The following ZNF746 variants were observed in gnomAD, a reference collection of about 807,000 sequenced individuals.
The protein encoded by ZNF746 is parkin-interacting substrate.
A neutral mutation model predicts 41.0 loss-of-function variants in ZNF746; 13 were observed. The ratio of observed to expected loss-of-function variants is 0.32; its 90% CI spans 0.21 to 0.50. The LOEUF (loss-of-function observed/expected upper bound fraction) is 0.50. Ranked by LOEUF, ZNF746 falls within the 20% of genes least tolerant of loss-of-function variation. ZNF746 has a pLI of 0.98. For synonymous variants in ZNF746, 424 were observed against 396.2 expected (o/e 1.07, Z -0.83); for missense variants, 811 against 922.9 (o/e 0.88, Z 1.57).
intron 4 of ZNF746, among the ~76,000 whole-genome samples, chr7:149,478,302 G>A (rs756344506): frequency 2.6e-5 from 4 of 152,146 alleles, no homozygotes; most frequent in Non-Finnish European, 4.4e-5. Flanking sequence ...TGGCCGAGCC[G>A]CCTGCCTGAA....
rs377334072 is a variant in ZNF746 at position 149,477,834 on chromosome 7, T to G, written c.566-79A>C. 82 of 1,256,922 alleles carry G rather than the reference T, an allele frequency of 6.5e-5. No homozygotes were observed. The East Asian group carries it at 1.7e-3, about 25-fold the overall frequency. The allele number at this position is 1,256,922 out of a possible 1,614,324, so 77.9% of individuals were successfully genotyped here. The stretch of plus-strand genomic sequence containing the variant: ...GCATACACGCATCCAGCCGGAGAGA[T>G]AGACACAGGGGCCTTACAAGGGTCC... On this transcript the variant is annotated intron_variant, in intron 4 of 6. Transcript: ENST00000458143.
chr7:149,485,109 G>C (rs1432867062), intron 4 of ZNF746, among the ~76,000 whole-genome samples: 2 of 111,646 alleles, frequency 1.8e-5, no homozygotes, highest in African/African-American at 6.7e-5. Flanking sequence ...GCAACAAACA[G>C]AAAATGCAAG....
intron 4 of ZNF746, among the ~76,000 whole-genome samples, chr7:149,478,255 G>A (rs1800378930): frequency 6.6e-6 from 1 of 152,198 alleles, no homozygotes; most frequent in South Asian, 2.1e-4. Context: ...ACAGGCCTTA[G>A]GGGCTGGGCT....
intron 6 of ZNF746, 85 bp from the exon 7 acceptor site, chr7:149,475,568 T>G (rs1192309329): frequency 1.0e-5 from 16 of 1,524,060 alleles, no homozygotes; most frequent in Non-Finnish European, 1.4e-5. Context: ...GCTCAGCAGC[T>G]GCCTGGCCAG....
Position 149,477,326 on chromosome 7 carries a change from G to C in ZNF746, c.757+238C>G, listed in dbSNP as rs1012033080. Among the ~76,000 whole-genome samples the C allele has an allele frequency of 2.0e-3, 298 of 152,300 alleles. 1 individual carries two copies. Among genetic ancestry groups the C allele is most frequent in the African/African-American group, 7.0e-3 (289 of 41,566 alleles). ...GCTGGGGCAAGAGAAGCGGCCTCAC[G>C]GTGATATAGGGGCCACTGGAACAGG... On this transcript the variant is annotated intron_variant, in intron 5 of 6. Coordinates refer to ENST00000458143, the MANE Select transcript of ZNF746 (RefSeq NM_001394198.1).
chr7:149,476,197 C>G (rs866419669), intron 6 of ZNF746, among the ~76,000 whole-genome samples: 6 of 151,640 alleles, frequency 4.0e-5, no homozygotes, highest in Middle Eastern at 3.4e-3. Context: ...ACCTGTAGTC[C>G]CAGCTACTTG....
Position 149,477,104 on chromosome 7 carries a change from G to T in ZNF746, c.758-57C>A, listed in dbSNP as rs571678542. The T allele has an allele frequency of 1.1e-4, 177 of 1,547,108 alleles. 2 individuals are homozygous for T. In the East Asian group the frequency reaches 4.0e-3, roughly 35 times the overall value. ...TAGGGGACGGACGGGGAGGACAGAA[G>T]ACTGTTGGGGAGGAGAGCAGGCTAA... On this transcript the variant is annotated intron_variant, in intron 5 of 6. Coordinates refer to ENST00000458143, the MANE Select transcript of ZNF746 (RefSeq NM_001394198.1).
At position 149,497,014 on chromosome 7, in the gene ZNF746, G is replaced by A. The variant is rs76822951; in HGVS notation, c.24+499C>T. The stretch of plus-strand genomic sequence containing the variant: ...GTGAGGACAGACTAACGCCTCAACA[G>A]GGCTTGTGGAAGTGCGTGGCTCTAT... On this transcript the variant is annotated intron_variant, in intron 1 of 6. Transcript: ENST00000458143. The surrounding 1 kb of genome is among the most constrained non-coding windows in gnomAD (Gnocchi z 4.2). 153 of 985,450 alleles carry A rather than the reference G, an allele frequency of 1.6e-4. 2 individuals carry two copies. The South Asian group carries it at 6.0e-3, about 39-fold the overall frequency. The allele number at this position is 985,450 out of a possible 1,614,324, so 61.0% of individuals were successfully genotyped here. A position where few individuals can be genotyped will look rare whatever the true frequency, so the allele number is the denominator to read the frequency against.
In ZNF746 at chr7:149,476,267, C is replaced by T. The variant is rs1037685991; in HGVS notation, c.883+655G>A. Among the ~76,000 whole-genome samples, 6 of 137,204 alleles carry T rather than the reference C, an allele frequency of 4.4e-5. No homozygotes were observed. The East Asian group carries it at 8.4e-4, about 19-fold the overall frequency. The allele number at this position is 137,204 out of a possible 152,430, so 90.0% of individuals were successfully genotyped here. A position where few individuals can be genotyped will look rare whatever the true frequency, so the allele number is the denominator to read the frequency against. On this transcript the variant is annotated intron_variant, in intron 6 of 6. Transcript: ENST00000458143. ...GGCGGAGCGTGCAGTGAGCAGAGAT[C>T]GCCCCACTGCACTCCAAGCCTGGGG...
At position 149,476,945 on chromosome 7, in the gene ZNF746, A is replaced by G. The variant is rs1347403211; in HGVS notation, c.860T>C (p.Leu287Pro). 1 of 1,613,806 alleles carries G rather than the reference A, an allele frequency of 6.2e-7. No homozygotes were observed. Among genetic ancestry groups the G allele is most frequent in the Non-Finnish European group, 8.5e-7 (1 of 1,179,924 alleles). ...SSACSDGTLK[L>P]NTAASTEADV... ...ACCTTCCGTGGAGGCTGCTGTGTTG[A>G]GCTTCAGGGTCCCGTCCGAGCATGC... Residue 287 changes from leucine (L) to proline (P), a missense_variant, in exon 6 of 7, where the codon CTC becomes CCC. Around this residue, in one of 4 missense-constraint regions of ZNF746, gnomAD observed 495 missense variants for 481.6 expected, o/e 1.03. Coordinates refer to ENST00000458143, the MANE Select transcript of ZNF746 (RefSeq NM_001394198.1).
intron 3 of ZNF746, among the ~76,000 whole-genome samples, chr7:149,493,327 G>T (rs1395408115): frequency 6.6e-6 from 1 of 152,238 alleles, no homozygotes; most frequent in Non-Finnish European, 1.5e-5. Flanking sequence ...ACGTTAAACA[G>T]CAGTGCACTT....
intron 4 of ZNF746, chr7:149,489,037 A>G (rs1385087817): frequency 6.6e-6 from 1 of 152,262 alleles, no homozygotes; most frequent in Non-Finnish European, 1.5e-5. Context: ...AGTCTGAAAT[A>G]CAGAATAATG....
chr7:149,494,034 A>C lies in ZNF746; in HGVS notation c.406T>G (p.Tyr136Asp). ...TAGTTGCCCCTCATCACGTGCTTGT[A>C]GAGCTCCTTCTGCCAGTCCTCCAGC... is the stretch of plus-strand genomic sequence containing the variant. ...GKLEDWQKEL[Y>D]KHVMRGNYET... The change falls in exon 3 of 7, where the codon TAC becomes GAC. Residue 136 changes from tyrosine to aspartate, a missense_variant. Tyr to Asp is a radical substitution (Grantham distance 160). Around this residue, in one of 4 missense-constraint regions of ZNF746, gnomAD observed 147 missense variants for 233.4 expected, o/e 0.63. Coordinates refer to ENST00000458143, the MANE Select transcript of ZNF746 (RefSeq NM_001394198.1). This position sits in a 1 kb window ranked among gnomAD's most constrained non-coding sequence, Gnocchi z 5.6. The C allele has an allele frequency of 3.1e-6, 5 of 1,614,180 alleles. No individual in the cohort carries two copies. The highest frequency in any genetic ancestry group is 4.2e-6 in the Non-Finnish European group (5 of 1,180,036).
At chr7:149,488,581 G>A (rs1427095241) in intron 4 of ZNF746, 1 of 152,210 alleles carries the variant, frequency 6.6e-6, no homozygotes, top group Non-Finnish European at 1.5e-5. Flanking sequence ...ACAACTCACT[G>A]GAGAAGCAGC....
At chr7:149,487,305 G>A (rs1800657418) in intron 4 of ZNF746, among the ~76,000 whole-genome samples, 2 of 152,286 alleles carry the variant, frequency 1.3e-5, no homozygotes, top group African/African-American at 4.8e-5. Context: ...GAGAAAAACA[G>A]CATTTGATAC....
In ZNF746 at chr7:149,477,637, A is replaced by C; in HGVS notation, c.684T>G (p.Asp228Glu). The change falls in exon 5 of 7, where the codon GAT becomes GAG. Residue 228 changes from aspartate (D) to glutamate (E), a missense_variant. Asp to Glu is a conservative substitution (Grantham distance 45). This residue lies in a region of ZNF746 where 495 missense variants were observed against 481.6 expected (regional missense o/e 1.03). Transcript: ENST00000458143. Reference sequence around the variant, plus strand: ...TGAGGCCCCAGGGCTCCTCCCCAATATCTGGCTGCCCGGCTGCCCACGCCT... The same window carrying C: ...TGAGGCCCCAGGGCTCCTCCCCAATCTCTGGCTGCCCGGCTGCCCACGCCT... ...GVEAWAAGQPDIGEEPWGLSQ... is the reference protein window; with the variant it reads ...GVEAWAAGQPEIGEEPWGLSQ... 6.2e-7 allele frequency: 1 copy of C among 1,613,886 alleles called. No homozygotes were observed. The highest frequency in any genetic ancestry group is 1.3e-5 in the African/African-American group (1 of 74,986).
intron 4 of ZNF746, among the ~76,000 whole-genome samples, chr7:149,492,226 C>CAGA (rs1800829205): frequency 6.6e-6 from 1 of 152,184 alleles, no homozygotes; most frequent in African/African-American, 2.4e-5. Flanking sequence ...ACCAACCACT[C>CAGA]CTCTTTCTCC....
intron 4 of ZNF746, among the ~76,000 whole-genome samples, chr7:149,480,087 T>C (rs1800441444): frequency 6.6e-6 from 1 of 152,210 alleles, no homozygotes; most frequent in Non-Finnish European, 1.5e-5. Flanking sequence ...TGGTCCTAAG[T>C]CTGCATTGGC....
intron 1 of ZNF746, among the ~76,000 whole-genome samples, chr7:149,495,294 C>T (rs949310027): frequency 7.2e-5 from 11 of 152,156 alleles, no homozygotes; most frequent in African/African-American, 2.7e-4. Flanking sequence ...AAATGACGGC[C>T]TCCGACATTT....
Sources: gnomAD v4.1 joint callset for allele counts (sites outside exome capture counted in the v4.1 genomes callset) on GRCh38, gnomAD v4.1.1 for gene constraint, gnomAD v4.1.1 regional missense constraint, Gnocchi (gnomAD v3.1) non-coding constraint, MANE v1.5 for transcripts, NCBI Gene and HGNC (gene_info 2026-07-23, HGNC 2026-07-21) for gene names.